Variants in FAM227B observed in about 807,000 individuals in gnomAD.
FAM227B encodes family with sequence similarity 227 member B, also known as protein FAM227B.
In FAM227B, 88 loss-of-function variants were observed where a neutral mutation model predicts 73.8. The ratio of observed to expected loss-of-function variants is 1.19; its 90% CI spans 1.00 to 1.42. The LOEUF (loss-of-function observed/expected upper bound fraction) is 1.42. FAM227B is among the 40% of genes most tolerant of loss of function. FAM227B has a pLI of 0.00. For missense variants in FAM227B, 632 were observed against 590.9 expected (o/e 1.07, Z -0.72); for synonymous variants, 210 against 190.5 (o/e 1.10, Z -0.84).
intron 11 of FAM227B, chr15:49,396,067 C>T (rs1015259644): frequency 5.6e-5 from 25 of 447,856 alleles, no homozygotes; most frequent in Non-Finnish European, 1.0e-4. Context: ...GTGATTTCTG[C>T]ATTTCCATCT....
chr15:49,374,786 C>T (rs934095693), intron 11 of FAM227B, among the ~76,000 whole-genome samples: 4 of 152,210 alleles, frequency 2.6e-5, no homozygotes, highest in Admixed American at 6.5e-5. Flanking sequence ...TCAAAAGATC[C>T]TCCTACCTTG....
intron 4 of FAM227B, among the ~76,000 whole-genome samples, chr15:49,588,477 T>C (rs1244783626): frequency 1.4e-5 from 2 of 142,926 alleles, no homozygotes; most frequent in African/African-American, 5.2e-5. Context: ...AGTGAGACAA[T>C]ATGGGGGGCT....
At chr15:49,512,830 T>G (rs2059108702) in intron 10 of FAM227B, among the ~76,000 whole-genome samples, 1 of 152,136 alleles carries the variant, frequency 6.6e-6, no homozygotes, top group African/African-American at 2.4e-5. Context: ...CAACTCCCAC[T>G]TATGAGTGAG....
At chr15:49,379,206 T>C (rs1010197029) in intron 11 of FAM227B, among the ~76,000 whole-genome samples, 1 of 152,184 alleles carries the variant, frequency 6.6e-6, no homozygotes, top group African/African-American at 2.4e-5. Context: ...TATTGTTTGC[T>C]AGTGTTTTCT....
At chr15:49,611,984 G>T (rs1865385757) in intron 2 of FAM227B, among the ~76,000 whole-genome samples, 1 of 149,736 alleles carries the variant, frequency 6.7e-6, no homozygotes, top group Non-Finnish European at 1.5e-5. Flanking sequence ...ACATACAGCA[G>T]ATTATCTCTA....
intron 9 of FAM227B, among the ~76,000 whole-genome samples, chr15:49,548,352 C>G (rs1300100009): frequency 1.3e-5 from 2 of 152,100 alleles, no homozygotes; most frequent in Non-Finnish European, 2.9e-5. Flanking sequence ...AACCATCCTT[C>G]CACTTCAGGA....
intron 14 of FAM227B, 107 bp downstream of exon 14, chr15:49,335,312 A>G: frequency 1.4e-6 from 1 of 689,914 alleles, no homozygotes; most frequent in Non-Finnish European, 2.5e-6. Flanking sequence ...ATGCTCAGAC[A>G]TGACTCTCCT....
chr15:49,600,338 G>GTTTCTTTC (rs1256993578), intron 3 of FAM227B, among the ~76,000 whole-genome samples: 1 of 147,956 alleles, frequency 6.8e-6, no homozygotes, highest in Admixed American at 6.7e-5. Context: ...GCATATAGCT[G>GTTTCTTTC]TTTCTTTCTT....
chr15:49,495,024 G>GT (rs2057473067), intron 11 of FAM227B, among the ~76,000 whole-genome samples: 3 of 152,186 alleles, frequency 2.0e-5, no homozygotes, highest in African/African-American at 7.2e-5. Context: ...AATCTCTCAG[G>GT]TATTCAAAGT....
In FAM227B at chr15:49,357,333, G is replaced by A. The variant is rs1465559342; in HGVS notation, c.1271+10115C>T. Among the ~76,000 whole-genome samples, 12 of 149,664 alleles carry A rather than the reference G, an allele frequency of 8.0e-5. No individual in the cohort carries two copies. The South Asian group carries it at 1.3e-3, about 16-fold the overall frequency. On this transcript the variant is annotated intron_variant, in intron 13 of 15. Transcript: ENST00000299338. The stretch of plus-strand genomic sequence containing the variant: ...AAAGGATCAACAAAATTGATAGACC[G>A]CTAGCAAGACTAATAAAGAAAAAAA...
intron 13 of FAM227B, among the ~76,000 whole-genome samples, chr15:49,362,654 T>C (rs144220864): frequency 1.3e-5 from 2 of 152,334 alleles, no homozygotes; most frequent in African/African-American, 2.4e-5. Flanking sequence ...TTTTTGTTTT[T>C]CTTGCAATTG....
chr15:49,564,488 G>A lies in FAM227B; in HGVS notation c.747+3757C>T, dbSNP rs116880055. 4.2e-3 allele frequency among the ~76,000 whole-genome samples: 643 copies of A among 152,236 alleles called. 2 individuals carry two copies. Among genetic ancestry groups the A allele is most frequent in the Middle Eastern group, 0.01 (3 of 294 alleles). Reference sequence around the variant, plus strand: ...AGACCCAGGAATCCCATAACAAGGCGTGTTTACCCAAAGGAAAATAAGTCG... The same window carrying A: ...AGACCCAGGAATCCCATAACAAGGCATGTTTACCCAAAGGAAAATAAGTCG... On this transcript the variant is annotated intron_variant, in intron 9 of 15. Coordinates refer to ENST00000299338, the MANE Select transcript of FAM227B (RefSeq NM_152647.3).
At chr15:49,365,640 G>A (rs188444532) in intron 13 of FAM227B, 1 of 1,100,544 alleles carries the variant, frequency 9.1e-7, no homozygotes, top group East Asian at 2.4e-5. Context: ...CATCATAGAG[G>A]AGGAGAAGGC....
Position 49,328,125 on chromosome 15 carries a change from C to T in FAM227B, c.*443G>A. ...AAGCAAAGTTTGTTTGCTACCAAAC[C>T]TGGAGGTGGGGCTTTGGTTTTGCTT... is the stretch of plus-strand genomic sequence containing the variant. On this transcript the variant is annotated 3_prime_UTR_variant, in exon 16 of 16. Coordinates refer to ENST00000299338, the MANE Select transcript of FAM227B (RefSeq NM_152647.3). 2 of 1,613,986 alleles carry T rather than the reference C, an allele frequency of 1.2e-6. No homozygotes were observed.
intron 10 of FAM227B, among the ~76,000 whole-genome samples, chr15:49,536,727 T>A (rs1026779863): frequency 1.3e-5 from 2 of 151,884 alleles, no homozygotes; most frequent in Admixed American, 6.6e-5. Flanking sequence ...GACATAAAGA[T>A]GAGGTATAGA....
At position 49,328,548 on chromosome 15, in the gene FAM227B, G is replaced by T; in HGVS notation, c.*20C>A. Reference sequence around the variant, plus strand: ...GAATTGTATGCATTATTCTTGAATAGAGTTCATTTCTGGTTTCTCTTAGTA... The same window carrying T: ...GAATTGTATGCATTATTCTTGAATATAGTTCATTTCTGGTTTCTCTTAGTA... On this transcript the variant is annotated 3_prime_UTR_variant, in exon 16 of 16. Transcript: ENST00000299338. 6.2e-7 allele frequency: 1 copy of T among 1,607,028 alleles called. No individual in the cohort carries two copies. The highest frequency in any genetic ancestry group is 8.5e-7 in the Non-Finnish European group (1 of 1,175,648).
intron 9 of FAM227B, among the ~76,000 whole-genome samples, chr15:49,567,079 A>T (rs1040261751): frequency 1.3e-5 from 2 of 152,170 alleles, no homozygotes; most frequent in Admixed American, 1.3e-4. Context: ...TCATAAAATC[A>T]TGTAGGTGGA....
intron 11 of FAM227B, among the ~76,000 whole-genome samples, chr15:49,436,505 G>A (rs1254418973): frequency 6.6e-6 from 1 of 151,572 alleles, no homozygotes; most frequent in African/African-American, 2.4e-5. Context: ...TGGGCCATTA[G>A]TATTAAGATA....
chr15:49,477,644 G>A (rs1301156399), intron 11 of FAM227B, among the ~76,000 whole-genome samples: 1 of 152,190 alleles, frequency 6.6e-6, no homozygotes. Flanking sequence ...AAATAGTCAT[G>A]TTCAGGTTTT....
Sources: allele counts gnomAD v4.1 joint callset (sites outside exome capture counted in the v4.1 genomes callset), GRCh38; gene constraint gnomAD v4.1.1; transcripts MANE v1.5; gene names NCBI Gene and HGNC (gene_info 2026-07-23, HGNC 2026-07-21).